CMC2: variants seen among roughly 807,000 people sequenced by gnomAD.
CMC2 encodes the protein COX assembly mitochondrial protein 2 homolog.
A neutral mutation model predicts 7.5 loss-of-function variants in CMC2; 5 were observed. The ratio of observed to expected loss-of-function variants is 0.66; its 90% CI spans 0.35 to 1.40. CMC2 has a LOEUF of 1.40. Among genes scored for constraint, CMC2 ranks in the 40% most tolerant of loss-of-function variants. CMC2 has a pLI of 0.04. For missense variants in CMC2, 115 were observed against 92.3 expected (o/e 1.25, Z -1.01); for synonymous variants, 37 against 31.4 (o/e 1.18, Z -0.60).
intron 1 of CMC2, among the ~76,000 whole-genome samples, chr16:81,002,171 T>A (rs1968915504): frequency 6.6e-6 from 1 of 152,166 alleles, no homozygotes; most frequent in African/African-American, 2.4e-5. Flanking sequence ...ACACCTGTAA[T>A]CCCAGCACTT....
At chr16:80,977,624 G>C (rs565163866) in intron 3 of CMC2, among the ~76,000 whole-genome samples, 25 of 152,302 alleles carry the variant, frequency 1.6e-4, no homozygotes, top group Non-Finnish European at 3.2e-4. Context: ...TCATGACTTT[G>C]AGTTACTTCA....
rs1250120765 is a variant in CMC2, at chr16:80,966,975, T to C, written c.*9118A>G. 4 of 152,204 alleles carry C rather than the reference T, an allele frequency of 2.6e-5. No homozygotes were observed. Among genetic ancestry groups the C allele is most frequent in the Non-Finnish European group, 4.4e-5 (3 of 68,032 alleles). 9.4% of individuals were successfully genotyped at this position (152,204 alleles called of 1,614,324 possible). The stretch of plus-strand genomic sequence containing the variant: ...ATCCAACAATGTACCTATCAAGTGA[T>C]CTACAGAAAAAGAAAATGTAAATTT... On this transcript the variant is annotated 3_prime_UTR_variant, in exon 4 of 4. Transcript: ENST00000219400.
At chr16:80,994,602 A>G (rs1003678430) in intron 2 of CMC2, among the ~76,000 whole-genome samples, 1 of 152,230 alleles carries the variant, frequency 6.6e-6, no homozygotes, top group Admixed American at 6.5e-5. Context: ...GCATGTCAAA[A>G]TCATTAGTCA....
rs1413185051 is a variant in CMC2, at chr16:80,967,201, G to A, written c.*8892C>T. The A allele has an allele frequency of 6.6e-6, 1 of 152,220 alleles. No individual in the cohort carries two copies. Among genetic ancestry groups the A allele is most frequent in the Non-Finnish European group, 1.5e-5 (1 of 68,054 alleles). 9.4% of individuals were successfully genotyped at this position (152,220 alleles called of 1,614,324 possible). On this transcript the variant is annotated 3_prime_UTR_variant, in exon 4 of 4. Coordinates refer to ENST00000219400, the MANE Select transcript of CMC2 (RefSeq NM_020188.5). Reference sequence around the variant, plus strand: ...AGTCTACACATAACCTGAATTCCATGTATCATGAACTTGCTCATAAATTAT... The same window carrying A: ...AGTCTACACATAACCTGAATTCCATATATCATGAACTTGCTCATAAATTAT...
rs987884905 is a variant in CMC2 at position 80,972,187 on chromosome 16, A to C, written c.*3906T>G. On this transcript the variant is annotated 3_prime_UTR_variant, in exon 4 of 4. Coordinates refer to ENST00000219400, the MANE Select transcript of CMC2 (RefSeq NM_020188.5). ...CTTCACCACTTTCTGCTATGTACTT[A>C]TCTCCTTCAGTGACCTCTCTAGAGG... 1.3e-5 allele frequency: 2 copies of C among 152,162 alleles called. No individual in the cohort carries two copies. Among genetic ancestry groups the C allele is most frequent in the African/African-American group, 4.8e-5 (2 of 41,436 alleles). The allele number at this position is 152,162 out of a possible 1,614,324, so 9.4% of individuals were successfully genotyped here.
chr16:80,978,429 G>A, intron 3 of CMC2: 1 of 1,237,514 alleles, frequency 8.1e-7, no homozygotes, highest in Non-Finnish European at 1.1e-6. Context: ...AATAAAAGGG[G>A]AGAAAAGGAT....
chr16:80,978,886 C>G (rs1966879814), intron 3 of CMC2, among the ~76,000 whole-genome samples: 1 of 152,028 alleles, frequency 6.6e-6, no homozygotes, highest in African/African-American at 2.4e-5. Flanking sequence ...TCAAGACCAT[C>G]CTAGCTAACA....
At chr16:81,004,717 A>G (rs1276609500) in intron 1 of CMC2, among the ~76,000 whole-genome samples, 2 of 152,238 alleles carry the variant, frequency 1.3e-5, no homozygotes, top group Non-Finnish European at 2.9e-5. Context: ...CTTAGTGAAG[A>G]TATAAAAATT....
chr16:81,002,016 A>C (rs566226328), intron 1 of CMC2, among the ~76,000 whole-genome samples: 10 of 152,372 alleles, frequency 6.6e-5, no homozygotes, highest in African/African-American at 2.2e-4. Flanking sequence ...AGAAAAATTA[A>C]GTTTCATACA....
At chr16:81,004,994 G>A (rs998790706) in intron 1 of CMC2, among the ~76,000 whole-genome samples, 1 of 152,310 alleles carries the variant, frequency 6.6e-6, no homozygotes, top group Admixed American at 6.5e-5. Context: ...TTGTGCGGCT[G>A]CACAGGAAAT....
intron 3 of CMC2, chr16:80,980,711 G>A: frequency 3.2e-6 from 2 of 616,474 alleles, no homozygotes. Flanking sequence ...CCAAAACAGT[G>A]AGACTCTCAT....
In CMC2 at chr16:80,978,469, AAAC is replaced by A. The variant is rs1966868810; in HGVS notation, c.154-2293_154-2291del. On this transcript the variant is annotated intron_variant, in intron 3 of 3. Coordinates refer to ENST00000219400, the MANE Select transcript of CMC2 (RefSeq NM_020188.5). Reference sequence around the variant, plus strand: ...ATGAAGTTACTCACAAAACTCAATCAAACAATACAGACAGAATGAAAGGCCAAT... The same window carrying A: ...ATGAAGTTACTCACAAAACTCAATCAAATACAGACAGAATGAAAGGCCAAT... 4 of 955,198 alleles carry A rather than the reference AAAC, an allele frequency of 4.2e-6. No individual in the cohort carries two copies. The African/African-American group carries it at 7.2e-5, about 17-fold the overall frequency. The allele number at this position is 955,198 out of a possible 1,614,324, so 59.2% of individuals were successfully genotyped here. A position where few individuals can be genotyped will look rare whatever the true frequency, so the allele number is the denominator to read the frequency against.
intron 2 of CMC2, among the ~76,000 whole-genome samples, chr16:80,995,122 G>C (rs1429888387): frequency 6.6e-6 from 1 of 152,082 alleles, no homozygotes; most frequent in Admixed American, 6.5e-5. Context: ...CTCCAGCCTG[G>C]GTGACAGAGC....
chr16:80,996,264 C>T (rs948617128), intron 2 of CMC2, among the ~76,000 whole-genome samples: 1 of 152,156 alleles, frequency 6.6e-6, no homozygotes, highest in African/African-American at 2.4e-5. Flanking sequence ...AATGTTATTC[C>T]ACAGAGTCTC....
intron 2 of CMC2, among the ~76,000 whole-genome samples, chr16:80,995,383 C>G (rs1263105101): frequency 1.3e-5 from 2 of 150,440 alleles, no homozygotes; most frequent in Non-Finnish European, 3.0e-5. Context: ...AGGCCAGGTG[C>G]AGTGGCTCAT....
intron 3 of CMC2, among the ~76,000 whole-genome samples, chr16:80,981,478 C>T (rs75427202): frequency 0.018 from 2,736 of 152,268 alleles, 83 homozygotes; most frequent in African/African-American, 0.062. Flanking sequence ...TAGTTACCTA[C>T]CAATCAGCTA....
chr16:80,999,597 C>CA (rs1449252276), intron 1 of CMC2, among the ~76,000 whole-genome samples: 7 of 152,096 alleles, frequency 4.6e-5, no homozygotes, highest in Non-Finnish European at 1.0e-4. Context: ...AAAAGGGGCT[C>CA]AAATAGCCAA....
At chr16:80,999,791 C>T (rs1968722207) in intron 1 of CMC2, among the ~76,000 whole-genome samples, 1 of 152,182 alleles carries the variant, frequency 6.6e-6, no homozygotes. Context: ...CAAAAATAAG[C>T]AATGGCAAAA....
chr16:81,000,472 G>C (rs1240326219), intron 1 of CMC2, among the ~76,000 whole-genome samples: 1 of 152,036 alleles, frequency 6.6e-6, no homozygotes, highest in Non-Finnish European at 1.5e-5. Flanking sequence ...CTCCAGCCTA[G>C]GTAACAGAGT....
Sources: gnomAD v4.1 joint callset for allele counts (sites outside exome capture counted in the v4.1 genomes callset) on GRCh38, gnomAD v4.1.1 for gene constraint, MANE v1.5 for transcripts, NCBI Gene and HGNC (gene_info 2026-07-23, HGNC 2026-07-21) for gene names.